The following MED12L variants were observed in gnomAD, a reference collection of about 807,000 sequenced individuals.
MED12L encodes the protein mediator complex subunit 12L.
In MED12L, 60 loss-of-function variants were observed where a neutral mutation model predicts 281.3. The observed-to-expected ratio is 0.21, with a 90% CI of 0.17 to 0.26. The LOEUF (loss-of-function observed/expected upper bound fraction) is 0.26, where lower values mean the gene tolerates loss of function less well. MED12L is among the 10% of genes least tolerant of loss of function. The probability of loss-of-function intolerance (pLI) is 1.00; values close to 1 mark genes in which losing one functional copy is unlikely to be tolerated. For synonymous variants in MED12L, 974 were observed against 987.2 expected (o/e 0.99, Z 0.25); for missense variants, 2,146 against 2,680.9 (o/e 0.80, Z 4.41).
At chr3:151,273,024 A>G (rs1741239302) in intron 16 of MED12L, among the ~76,000 whole-genome samples, 1 of 152,170 alleles carries the variant, frequency 6.6e-6, no homozygotes, top group Admixed American at 6.5e-5. Context: ...ATTTCAGATT[A>G]GGGATTCTCA....
chr3:151,133,715 T>A (rs549086431), intron 5 of MED12L, among the ~76,000 whole-genome samples: 20 of 152,296 alleles, frequency 1.3e-4, no homozygotes, highest in Admixed American at 9.8e-4. Context: ...GTTTCAGATA[T>A]TTTTAGAGTT....
In MED12L at chr3:151,210,707, A is replaced by G. The variant is rs934471856; in HGVS notation, c.2250+17041A>G. Among the ~76,000 whole-genome samples the G allele has an allele frequency of 3.3e-5, 5 of 152,218 alleles. No individual in the cohort carries two copies. In the East Asian group the frequency reaches 7.7e-4, roughly 23 times the overall value. ...TACAGAGTAGCCATTAGCATATTCT[A>G]TCTGCAGGTATATTTTCTTTTCATT... On this transcript the variant is annotated intron_variant, in intron 16 of 44. Transcript: ENST00000687756.
intron 16 of MED12L, among the ~76,000 whole-genome samples, chr3:151,293,297 C>T (rs1373502003): frequency 1.3e-5 from 2 of 152,190 alleles, no homozygotes; most frequent in Admixed American, 6.5e-5. Context: ...GTGTTATTCA[C>T]GTGTGTTTGA....
At position 151,350,205 on chromosome 3, in the gene MED12L, G is replaced by A; in HGVS notation, c.2397G>A (p.Gly799=). 1 of 1,612,814 alleles carries A rather than the reference G, an allele frequency of 6.2e-7. No homozygotes were observed. The highest frequency in any genetic ancestry group is 8.5e-7 in the Non-Finnish European group (1 of 1,179,358). The change falls in exon 17 of 45, where the codon GGG becomes GGA. Residue 799 remains glycine, a splice_region_variant and synonymous_variant. Coordinates refer to ENST00000687756, the MANE Select transcript of MED12L (RefSeq NM_001393769.1). The part of the protein sequence containing the change: ...ILNKKSTTET[G]VGDEGQKARK... ...ATAAGAAGAGCACCACAGAGACAGGGGGTAAAGAACCTTAATGCATTTGCT... is the reference window on the plus strand; with the variant it reads ...ATAAGAAGAGCACCACAGAGACAGGAGGTAAAGAACCTTAATGCATTTGCT...
chr3:151,103,741 C>G (rs1399318596), intron 2 of MED12L, among the ~76,000 whole-genome samples: 1 of 152,164 alleles, frequency 6.6e-6, no homozygotes, highest in Non-Finnish European at 1.5e-5. Flanking sequence ...CTACATTTCG[C>G]AGAAGAGAAA....
chr3:151,132,350 T>A (rs1715515075), intron 5 of MED12L, among the ~76,000 whole-genome samples: 2 of 152,222 alleles, frequency 1.3e-5, no homozygotes, highest in African/African-American at 4.8e-5. Context: ...TTTGTCATGT[T>A]TTTTTAGTTG....
chr3:151,337,811 A>G (rs753204818), intron 16 of MED12L: 49 of 1,612,992 alleles, frequency 3.0e-5, no homozygotes, highest in Non-Finnish European at 4.0e-5. Flanking sequence ...TCCTTAGTTA[A>G]TTTGTTTACA....
At chr3:151,201,650 C>G (rs986539465) in intron 16 of MED12L, among the ~76,000 whole-genome samples, 11 of 152,206 alleles carry the variant, frequency 7.2e-5, no homozygotes, top group Admixed American at 4.6e-4. Context: ...TATTCCAGAG[C>G]TTTAAGGAAG....
intron 16 of MED12L, among the ~76,000 whole-genome samples, chr3:151,248,015 A>G (rs1224830424): frequency 7.8e-6 from 1 of 127,940 alleles, no homozygotes; most frequent in East Asian, 2.3e-4. Context: ...GTAGATTCTA[A>G]GCATGTATAT....
intron 16 of MED12L, chr3:151,294,749 C>G: frequency 6.2e-7 from 1 of 1,614,130 alleles, no homozygotes; most frequent in Non-Finnish European, 8.5e-7. Flanking sequence ...CATGATCACC[C>G]AAACACAAAC....
chr3:151,297,552 T>G (rs1330016390), intron 16 of MED12L, among the ~76,000 whole-genome samples: 3 of 152,162 alleles, frequency 2.0e-5, no homozygotes, highest in Non-Finnish European at 2.9e-5. Context: ...TATGAATTGC[T>G]TTTCAAAATC....
In MED12L at chr3:151,424,685, A is replaced by G. The variant is rs1202373830; in HGVS notation, c.6409-5614A>G. On this transcript the variant is annotated intron_variant, in intron 43 of 44. Coordinates refer to ENST00000687756, the MANE Select transcript of MED12L (RefSeq NM_001393769.1). ...AAGTTACTAGTTACCTTGAAAATAA[A>G]CACACAAAAAATTCTGAAACACATC... is the stretch of plus-strand genomic sequence containing the variant. Among the ~76,000 whole-genome samples, 5 of 152,318 alleles carry G rather than the reference A, an allele frequency of 3.3e-5. 1 individual carries two copies. The South Asian group carries it at 1.0e-3, about 32-fold the overall frequency.
chr3:151,161,935 A>G (rs768683084), intron 8 of MED12L, among the ~76,000 whole-genome samples: 1 of 152,220 alleles, frequency 6.6e-6, no homozygotes, highest in Non-Finnish European at 1.5e-5. Context: ...TTAAAGAGCT[A>G]TTTAATTGAA....
intron 16 of MED12L, among the ~76,000 whole-genome samples, chr3:151,324,930 G>A (rs1157806133): frequency 6.6e-6 from 1 of 152,170 alleles, no homozygotes. Flanking sequence ...TTAAATAATA[G>A]ATAATACTGA....
chr3:151,119,769 A>T (rs1423004638), intron 3 of MED12L, among the ~76,000 whole-genome samples: 1 of 152,184 alleles, frequency 6.6e-6, no homozygotes, highest in African/African-American at 2.4e-5. Context: ...TTTCTGTGAG[A>T]TTTACTCAAG....
intron 39 of MED12L, among the ~76,000 whole-genome samples, chr3:151,408,867 C>T (rs886124798): frequency 3.9e-5 from 6 of 152,200 alleles, no homozygotes; most frequent in African/African-American, 9.7e-5. Context: ...CTGTACCACA[C>T]GTTCTCTTCC....
rs951988427 is a variant in MED12L at position 151,436,478 on chromosome 3, TAAGTTAA to T, written c.*3680_*3686del. ...ATTTGTTGGCAAAATAAAAGTGCCT[TAAGTTAA>T]AAGTTTGTTTTGAGATCCATTAAAT... On this transcript the variant is annotated 3_prime_UTR_variant, in exon 45 of 45. Transcript: ENST00000687756. The T allele has an allele frequency of 1.2e-5, 5 of 430,368 alleles. No individual in the cohort carries two copies. Among genetic ancestry groups the T allele is most frequent in the Non-Finnish European group, 2.0e-5 (5 of 246,866 alleles). The allele number at this position is 430,368 out of a possible 1,614,324, so 26.7% of individuals were successfully genotyped here.
At chr3:151,146,447 C>T (rs959082515) in intron 5 of MED12L, among the ~76,000 whole-genome samples, 9 of 152,176 alleles carry the variant, frequency 5.9e-5, no homozygotes, top group Admixed American at 2.0e-4. Context: ...GTCATGTGCA[C>T]CTCAGGCAGG....
chr3:151,289,949 C>T (rs1448948165), intron 16 of MED12L, among the ~76,000 whole-genome samples: 1 of 151,562 alleles, frequency 6.6e-6, no homozygotes, highest in Non-Finnish European at 1.5e-5. Context: ...GGTGCGATCT[C>T]GGATCACTGC....
Sources: gnomAD v4.1 joint callset for allele counts (sites outside exome capture counted in the v4.1 genomes callset) on GRCh38, gnomAD v4.1.1 for gene constraint, MANE v1.5 for transcripts, NCBI Gene and HGNC (gene_info 2026-07-23, HGNC 2026-07-21) for gene names.